Variants in LIFR observed in about 807,000 individuals in gnomAD.
LIFR encodes the protein leukemia inhibitory factor receptor.
Under a neutral mutation model 122.2 loss-of-function variants are expected in LIFR, and 84 were observed. That is an observed-to-expected ratio of 0.69 (90% CI 0.58 to 0.82). The LOEUF (loss-of-function observed/expected upper bound fraction) is 0.82. Among genes scored for constraint, LIFR ranks in the 40% least tolerant of loss-of-function variants. LIFR has a pLI of 0.00. For missense variants in LIFR, 1,294 were observed against 1,311.6 expected, an observed-to-expected ratio of 0.99 and a Z score of 0.21; for synonymous variants, 422 against 434.7, an observed-to-expected ratio of 0.97 and a Z score of 0.36.
chr5:38,545,880 A>G (rs939184299), intron 1 of LIFR, among the ~76,000 whole-genome samples: 22 of 151,556 alleles, frequency 1.5e-4, no homozygotes, highest in Non-Finnish European at 1.2e-4. Flanking sequence ...AGAAAAAAAA[A>G]AAAAAAAGAA....
chr5:38,509,387 T>A lies in LIFR; in HGVS notation c.991+1077A>T, dbSNP rs113923713. ...GAACATAACCTCACTTTCACTTGAA[T>A]TCCAAATGCATTACTGAGCAGACAA... On this transcript the variant is annotated intron_variant, in intron 7 of 19. Coordinates refer to ENST00000453190, the MANE Select transcript of LIFR (RefSeq NM_001127671.2). Among the ~76,000 whole-genome samples the A allele has an allele frequency of 4.1e-3, 623 of 152,226 alleles. 2 individuals are homozygous for A. The highest frequency in any genetic ancestry group is 6.8e-3 in the Middle Eastern group (2 of 294).
rs376752932 is a variant in LIFR at position 38,530,486 on chromosome 5, T to C, written c.142+20A>G. 1 of 1,603,236 alleles carries C rather than the reference T, an allele frequency of 6.2e-7. No homozygotes were observed. The highest frequency in any genetic ancestry group is 8.5e-7 in the Non-Finnish European group (1 of 1,170,226). On this transcript the variant is annotated intron_variant, in intron 2 of 19. Transcript: ENST00000453190. Reference sequence around the variant, plus strand: ...ATAAAACTGCAATCTGTTCATTCTCTGGAAGGCTGATGCACTTACCCTTTT... The same window carrying C: ...ATAAAACTGCAATCTGTTCATTCTCCGGAAGGCTGATGCACTTACCCTTTT...
chr5:38,542,968 T>A (rs1225698120), intron 1 of LIFR, among the ~76,000 whole-genome samples: 1 of 152,010 alleles, frequency 6.6e-6, no homozygotes, highest in Non-Finnish European at 1.5e-5. Flanking sequence ...ACAATGAAGA[T>A]TTTTTCCCTG....
chr5:38,595,688 C>A (rs1008972482), upstream of LIFR, among the ~76,000 whole-genome samples: 3 of 150,792 alleles, frequency 2.0e-5, no homozygotes, highest in Non-Finnish European at 2.9e-5. Context: ...GCCAATCTAA[C>A]CTTCTAGTAT....
At chr5:38,517,312 G>T (rs1219348953) in intron 5 of LIFR, among the ~76,000 whole-genome samples, 1 of 152,142 alleles carries the variant, frequency 6.6e-6, no homozygotes, top group Non-Finnish European at 1.5e-5. Flanking sequence ...TATTTACTTT[G>T]CAGACCCCAG....
chr5:38,545,148 T>C (rs1037441242), intron 1 of LIFR, among the ~76,000 whole-genome samples: 2 of 151,960 alleles, frequency 1.3e-5, no homozygotes, highest in Admixed American at 1.3e-4. Flanking sequence ...CGGACGCCTG[T>C]AGTCTCAGCC....
chr5:38,586,113 T>G (rs998415156), intron 1 of LIFR, among the ~76,000 whole-genome samples: 2 of 152,166 alleles, frequency 1.3e-5, no homozygotes, highest in Non-Finnish European at 2.9e-5. Flanking sequence ...GGTAAAAGCT[T>G]TTGGTTTCCT....
Position 38,528,842 on chromosome 5 carries a change from TG to T in LIFR, c.143-3del. On this transcript the variant is annotated splice_region_variant and splice_polypyrimidine_tract_variant and intron_variant, in intron 2 of 19. Transcript: ENST00000453190. ...CACACTTCAAATCATGAGGAGCCCC[TG>T]GAGGAGACACACACACACACACACA... 6.9e-7 allele frequency: 1 copy of T among 1,452,812 alleles called. No individual in the cohort carries two copies. Among genetic ancestry groups the T allele is most frequent in the Non-Finnish European group, 9.4e-7 (1 of 1,062,344 alleles). 90.0% of individuals were successfully genotyped at this position (1,452,812 alleles called of 1,614,324 possible). A position where few individuals can be genotyped will look rare whatever the true frequency, so the allele number is the denominator to read the frequency against.
rs138173756 is a variant in LIFR, at chr5:38,562,997, G to A, written c.-20+32264C>T. Among the ~76,000 whole-genome samples the A allele has an allele frequency of 6.8e-3, 1,041 of 152,220 alleles. 13 individuals carry two copies. The highest frequency in any genetic ancestry group is 0.024 in the African/African-American group (1,003 of 41,516). ...GGTACCTAATCTGGAACACTGCCTGGGTCTCATATTGGGAAAACAAAAGTG... is the reference window on the plus strand; with the variant it reads ...GGTACCTAATCTGGAACACTGCCTGAGTCTCATATTGGGAAAACAAAAGTG... On this transcript the variant is annotated intron_variant, in intron 1 of 19. Coordinates refer to the LIFR transcript ENST00000263409.
At chr5:38,530,445 C>G in intron 2 of LIFR, 61 bp downstream of exon 2, 1 of 1,466,666 alleles carries the variant, frequency 6.8e-7, no homozygotes, top group Non-Finnish European at 9.6e-7. Flanking sequence ...AAAATTGCTT[C>G]GTCATCAAAA....
chr5:38,562,137 C>T (rs1043249072), intron 1 of LIFR, among the ~76,000 whole-genome samples: 1 of 152,166 alleles, frequency 6.6e-6, no homozygotes, highest in African/African-American at 2.4e-5. Flanking sequence ...CTGTCCATCC[C>T]CTCTGCTCTG....
intron 5 of LIFR, among the ~76,000 whole-genome samples, chr5:38,519,837 T>C (rs1439509415): frequency 6.6e-6 from 1 of 152,246 alleles, no homozygotes; most frequent in East Asian, 1.9e-4. Flanking sequence ...AATTCCATTG[T>C]GTGTATATAT....
upstream of LIFR, among the ~76,000 whole-genome samples, chr5:38,560,898 T>G (rs1748813345): frequency 6.6e-6 from 1 of 152,160 alleles, no homozygotes; most frequent in Non-Finnish European, 1.5e-5. Flanking sequence ...GCCCAGCCTG[T>G]CTTTTGTTTA....
chr5:38,523,415 T>G lies in LIFR; in HGVS notation c.561+4A>C. 3 of 1,606,370 alleles carry G rather than the reference T, an allele frequency of 1.9e-6. No individual in the cohort carries two copies. Among genetic ancestry groups the G allele is most frequent in the Non-Finnish European group, 2.6e-6 (3 of 1,176,290 alleles). On this transcript the variant is annotated splice_donor_region_variant and intron_variant, in intron 5 of 19. Coordinates refer to ENST00000453190, the MANE Select transcript of LIFR (RefSeq NM_001127671.2). ...ATAGGAAGAAAATCTATGTTCAAAC[T>G]TACTAATTTTACGAGCTCCATACTC...
chr5:38,521,804 G>A (rs962802393), intron 5 of LIFR, among the ~76,000 whole-genome samples: 6 of 152,134 alleles, frequency 3.9e-5, no homozygotes, highest in Non-Finnish European at 7.3e-5. Context: ...TGTGCAGTAG[G>A]TGCCAGCTGT....
intron 7 of LIFR, among the ~76,000 whole-genome samples, chr5:38,509,475 G>T: frequency 6.6e-6 from 1 of 152,116 alleles, no homozygotes; most frequent in Non-Finnish European, 1.5e-5. Context: ...ATTCCTTTGG[G>T]AATACATCAG....
At chr5:38,512,348 G>A (rs1175535832) in intron 5 of LIFR, among the ~76,000 whole-genome samples, 1 of 151,976 alleles carries the variant, frequency 6.6e-6, no homozygotes, top group Admixed American at 6.5e-5. Flanking sequence ...CTGGACAGTG[G>A]CTCACACCTG....
chr5:38,499,958 C>G (rs964951746), intron 11 of LIFR, among the ~76,000 whole-genome samples: 2 of 152,164 alleles, frequency 1.3e-5, no homozygotes, highest in African/African-American at 4.8e-5. Context: ...GCCTACAACT[C>G]TCTTCTCCTA....
At chr5:38,540,725 A>T (rs1019115170) in intron 1 of LIFR, among the ~76,000 whole-genome samples, 12 of 151,628 alleles carry the variant, frequency 7.9e-5, no homozygotes, top group Non-Finnish European at 1.6e-4. Context: ...AGTTTTTTTT[A>T]TTATTATTAT....
Sources: gnomAD v4.1 joint callset for allele counts (sites outside exome capture counted in the v4.1 genomes callset) on GRCh38, gnomAD v4.1.1 for gene constraint, MANE v1.5 for transcripts, NCBI Gene and HGNC (gene_info 2026-07-23, HGNC 2026-07-21) for gene names.